TENT4A: variants seen among roughly 807,000 people sequenced by gnomAD.
The protein encoded by TENT4A is DNA polymerase kappa.
A neutral mutation model predicts 72.8 loss-of-function variants in TENT4A; 7 were observed. The observed-to-expected ratio is 0.10, with a 90% CI of 0.05 to 0.18. TENT4A has a LOEUF of 0.18. Among genes scored for constraint, TENT4A ranks in the 10% least tolerant of loss-of-function variants. The pLI, the probability that TENT4A is intolerant of heterozygous loss-of-function variation, is 1.00. For missense variants in TENT4A, 831 were observed against 1,017.7 expected (o/e 0.82, Z 2.50); for synonymous variants, 456 against 434.3 (o/e 1.05, Z -0.62).
chr5:6,742,515 A>G lies in TENT4A; in HGVS notation c.1034A>G (p.Gln345Arg). Residue 345 changes from glutamine (Q) to arginine (R), a missense_variant, in exon 5 of 13, where the codon CAG becomes CGG. Transcript: ENST00000230859. ...ATVPIIKLTD[Q>R]ETEVKVDISF... is the part of the protein sequence containing the mutation. ...GTACCAATAATAAAGCTCACAGATC[A>G]GGAGACTGAAGTGAAAGTTGACATC... 6.2e-7 allele frequency: 1 copy of G among 1,612,258 alleles called. No individual in the cohort carries two copies.
Position 6,745,999 on chromosome 5 carries a change from CTA to C in TENT4A, c.1246-214_1246-213del, listed in dbSNP as rs1352197256. On this transcript the variant is annotated intron_variant, in intron 6 of 12. Coordinates refer to ENST00000230859, the MANE Select transcript of TENT4A (RefSeq NM_006999.6). ...TGGATTACCAATTTCAAAAATCAAA[CTA>C]CACTAAAATTCAGATGAGTCCGTTG... 3 of 1,379,626 alleles carry C rather than the reference CTA, an allele frequency of 2.2e-6. No individual in the cohort carries two copies. The African/African-American group carries it at 4.4e-5, about 20-fold the overall frequency. 85.5% of individuals were successfully genotyped at this position (1,379,626 alleles called of 1,614,324 possible).
intron 9 of TENT4A, 40 bp downstream of exon 9, chr5:6,749,697 C>T (rs372314188): frequency 4.2e-5 from 55 of 1,313,446 alleles, no homozygotes; most frequent in Non-Finnish European, 6.1e-5. Flanking sequence ...TAACCACTGG[C>T]TGGCATGTTC....
At chr5:6,719,617 C>T (rs879557046) in intron 1 of TENT4A, among the ~76,000 whole-genome samples, 1 of 152,318 alleles carries the variant, frequency 6.6e-6, no homozygotes, top group African/African-American at 2.4e-5. Context: ...CTGAACCTGC[C>T]TTGAGAAGCA....
intron 7 of TENT4A, among the ~76,000 whole-genome samples, chr5:6,747,073 C>T (rs370843409): frequency 9.2e-5 from 14 of 152,164 alleles, no homozygotes; most frequent in African/African-American, 1.9e-4. Flanking sequence ...CATGTGTTAA[C>T]GCTTTTAAAT....
At chr5:6,727,428 G>A (rs778158673) in intron 1 of TENT4A, among the ~76,000 whole-genome samples, 2 of 152,202 alleles carry the variant, frequency 1.3e-5, no homozygotes, top group Non-Finnish European at 2.9e-5. Context: ...GGTCCATCTT[G>A]AATCTCCTCC....
At chr5:6,736,657 G>A (rs1477528655) in intron 1 of TENT4A, among the ~76,000 whole-genome samples, 3 of 152,224 alleles carry the variant, frequency 2.0e-5, no homozygotes, top group Non-Finnish European at 4.4e-5. Flanking sequence ...ACATAGGCTG[G>A]TGCCACTGGC....
intron 6 of TENT4A, 120 bp downstream of exon 6, chr5:6,743,960 GGT>G: frequency 1.2e-6 from 1 of 857,636 alleles, no homozygotes; most frequent in Non-Finnish European, 1.8e-6. Context: ...GTTTCAATTT[GGT>G]AGAGGCTGAT....
At chr5:6,743,149 C>T (rs28381379) in intron 5 of TENT4A, among the ~76,000 whole-genome samples, 10,285 of 152,218 alleles carry the variant, frequency 0.068, 499 homozygotes, top group African/African-American at 0.13. Context: ...TGTTGCAATC[C>T]TTAGCAGGGG....
chr5:6,744,530 C>T (rs1741981384), intron 6 of TENT4A, among the ~76,000 whole-genome samples: 1 of 152,098 alleles, frequency 6.6e-6, no homozygotes, highest in Non-Finnish European at 1.5e-5. Flanking sequence ...CAGTGTTTAC[C>T]ATTAATTTGG....
chr5:6,737,494 CT>C lies in TENT4A; in HGVS notation c.717-10del. On this transcript the variant is annotated splice_polypyrimidine_tract_variant and intron_variant, in intron 1 of 12. Transcript: ENST00000230859. ...TTTCATTGTAACTCTAGTATGTTTT[CT>C]TTTTTGTCCATTAGACTACATGAGG... 1 of 1,599,278 alleles carries C rather than the reference CT, an allele frequency of 6.3e-7. No individual in the cohort carries two copies. The highest frequency in any genetic ancestry group is 8.5e-7 in the Non-Finnish European group (1 of 1,171,610).
At chr5:6,731,943 C>T (rs780051873) in intron 1 of TENT4A, among the ~76,000 whole-genome samples, 2 of 152,214 alleles carry the variant, frequency 1.3e-5, no homozygotes, top group Non-Finnish European at 1.5e-5. Context: ...ACTGTTCTTT[C>T]TAAAGTGTTT....
Position 6,735,670 on chromosome 5 carries a change from G to T in TENT4A, c.717-1840G>T, listed in dbSNP as rs901387896. Among the ~76,000 whole-genome samples, 6 of 152,028 alleles carry T rather than the reference G, an allele frequency of 3.9e-5. No homozygotes were observed. In the South Asian group the frequency reaches 6.2e-4, roughly 16 times the overall value. The stretch of plus-strand genomic sequence containing the variant: ...AAAGCTCTTGTAGTTTGATCAGTTT[G>T]GAAAAAATATTTTAATGTTGGGCTC... On this transcript the variant is annotated intron_variant, in intron 1 of 12. Transcript: ENST00000230859.
Position 6,756,622 on chromosome 5 carries a change from G to T in TENT4A, c.*1677G>T, listed in dbSNP as rs1018937245. The T allele has an allele frequency of 6.6e-6, 1 of 152,476 alleles. No homozygotes were observed. The highest frequency in any genetic ancestry group is 2.4e-5 in the African/African-American group (1 of 41,438). 9.4% of individuals were successfully genotyped at this position (152,476 alleles called of 1,614,324 possible). On this transcript the variant is annotated 3_prime_UTR_variant, in exon 13 of 13. Transcript: ENST00000230859. Reference sequence around the variant, plus strand: ...CTAGGAGGCATTCCAGAATAGAGTAGCACACTGTGTCTGCAGTTCTCGATG... The same window carrying T: ...CTAGGAGGCATTCCAGAATAGAGTATCACACTGTGTCTGCAGTTCTCGATG...
chr5:6,750,248 G>A, intron 9 of TENT4A, 83 bp from the exon 10 acceptor site: 1 of 1,198,862 alleles, frequency 8.3e-7, no homozygotes, highest in Non-Finnish European at 1.2e-6. Flanking sequence ...TCCCGGCTCA[G>A]CAGAGCCCGT....
At chr5:6,718,474 T>C (rs910063033) in intron 1 of TENT4A, among the ~76,000 whole-genome samples, 3 of 152,206 alleles carry the variant, frequency 2.0e-5, no homozygotes, top group African/African-American at 7.2e-5. Flanking sequence ...GTGTCCAGGA[T>C]GCATGAGAGA....
At chr5:6,726,956 G>C (rs974744906) in intron 1 of TENT4A, among the ~76,000 whole-genome samples, 1 of 152,104 alleles carries the variant, frequency 6.6e-6, no homozygotes, top group Non-Finnish European at 1.5e-5. Flanking sequence ...TGTCTGTCTT[G>C]CTTGGCCCAG....
In TENT4A at chr5:6,714,204, C is replaced by A. The variant is rs1055048577; in HGVS notation, c.221C>A (p.Pro74Gln). Reference sequence around the variant, plus strand: ...CCCGCGCTGCCCGCCGCGTCGCCCCCGCCGCCCGGCCCCACCGCGCCCGCC... The same window carrying A: ...CCCGCGCTGCCCGCCGCGTCGCCCCAGCCGCCCGGCCCCACCGCGCCCGCC... Reference protein sequence around the residue: ...LGPALPAASPPPPGPTAPAAL... With the variant: ...LGPALPAASPQPPGPTAPAAL... The change falls in exon 1 of 13, where the codon CCG becomes CAG. Residue 74 changes from proline (P) to glutamine (Q), a missense_variant. Transcript: ENST00000230859. The A allele has an allele frequency of 1.1e-5, 11 of 968,820 alleles. No homozygotes were observed. The African/African-American group carries it at 2.0e-4, about 17-fold the overall frequency. 60.0% of individuals were successfully genotyped at this position (968,820 alleles called of 1,614,324 possible). A position where few individuals can be genotyped will look rare whatever the true frequency, so the allele number is the denominator to read the frequency against.
Position 6,714,383 on chromosome 5 carries a change from A to T in TENT4A, c.400A>T (p.Ser134Cys). The change falls in exon 1 of 13, where the codon AGC (serine) becomes TGC (cysteine). Residue 134 changes from serine to cysteine, a missense_variant. This residue lies in a region of TENT4A where 302 missense variants were observed against 293.8 expected (regional missense o/e 1.03). Transcript: ENST00000230859. Reference protein sequence around the residue: ...ESPGCSSSSSSSASLGRPGGG... With the variant: ...ESPGCSSSSSCSASLGRPGGG... Reference sequence around the variant, plus strand: ...CCCCGGCTGCTCGTCGTCGTCCTCCAGCAGCGCCTCGCTGGGCCGGCCGGG... The same window carrying T: ...CCCCGGCTGCTCGTCGTCGTCCTCCTGCAGCGCCTCGCTGGGCCGGCCGGG... 1 of 1,132,504 alleles carries T rather than the reference A, an allele frequency of 8.8e-7. No homozygotes were observed. The highest frequency in any genetic ancestry group is 1.7e-5 in the African/African-American group (1 of 59,112). The allele number at this position is 1,132,504 out of a possible 1,614,324, so 70.2% of individuals were successfully genotyped here. A position where few individuals can be genotyped will look rare whatever the true frequency, so the allele number is the denominator to read the frequency against.
At chr5:6,742,650 G>A in intron 5 of TENT4A, 53 bp downstream of exon 5, 1 of 1,013,414 alleles carries the variant, frequency 9.9e-7, no homozygotes. Flanking sequence ...GAGTGCTTGT[G>A]CTTGGTGGCA....
Sources: allele counts gnomAD v4.1 joint callset (sites outside exome capture counted in the v4.1 genomes callset), GRCh38; gene constraint gnomAD v4.1.1; regional missense constraint gnomAD v4.1.1; transcripts MANE v1.5; gene names NCBI Gene and HGNC (gene_info 2026-07-23, HGNC 2026-07-21).